Variants in ATP2B2 observed in about 807,000 individuals in gnomAD.
ATP2B2 encodes plasma membrane calcium-transporting ATPase 2.
A neutral mutation model predicts 120.0 loss-of-function variants in ATP2B2; 15 were observed. That is an observed-to-expected ratio of 0.12 (90% CI 0.08 to 0.19). The LOEUF (loss-of-function observed/expected upper bound fraction) is 0.19, where lower values mean the gene tolerates loss of function less well. ATP2B2 is among the 10% of genes least tolerant of loss of function. The pLI is 1.00. For missense variants in ATP2B2, 1,045 were observed against 1,719.8 expected, an observed-to-expected ratio of 0.61 and a Z score of 6.94; for synonymous variants, 694 against 700.3, an observed-to-expected ratio of 0.99 and a Z score of 0.14.
intron 2 of ATP2B2, among the ~76,000 whole-genome samples, chr3:10,546,292 G>A (rs980276049): frequency 6.6e-6 from 1 of 152,160 alleles, no homozygotes; most frequent in Non-Finnish European, 1.5e-5. Context: ...AGACAGGGAG[G>A]TAGCACGCTG....
chr3:10,508,103 T>C (rs1415244637), upstream of ATP2B2, among the ~76,000 whole-genome samples: 2 of 152,202 alleles, frequency 1.3e-5, no homozygotes, highest in Non-Finnish European at 2.9e-5. Flanking sequence ...ACCCTAAGAC[T>C]AGAACTGCCA....
chr3:10,419,577 T>C (rs1198768932), intron 2 of ATP2B2, among the ~76,000 whole-genome samples: 5 of 152,236 alleles, frequency 3.3e-5, no homozygotes, highest in Non-Finnish European at 5.9e-5. Flanking sequence ...TTCCTTCCTA[T>C]GTGACCTTGA....
chr3:10,601,866 A>T (rs773314371), intron 2 of ATP2B2, among the ~76,000 whole-genome samples: 11 of 152,202 alleles, frequency 7.2e-5, no homozygotes, highest in South Asian at 2.1e-4. Context: ...AGTCCCTTCC[A>T]GCCATGGCCC....
At chr3:10,559,616 A>C (rs2125527172) in intron 2 of ATP2B2, among the ~76,000 whole-genome samples, 1 of 152,234 alleles carries the variant, frequency 6.6e-6, no homozygotes, top group Middle Eastern at 3.4e-3. Context: ...AGATGTGCTC[A>C]AGGTCACCCA....
intron 1 of ATP2B2, among the ~76,000 whole-genome samples, chr3:10,652,108 C>A (rs905191867): frequency 3.9e-5 from 6 of 152,106 alleles, no homozygotes; most frequent in African/African-American, 7.2e-5. Flanking sequence ...GATAATGGGG[C>A]TATTTTTTGT....
chr3:10,471,802 T>C (rs555115841), intron 1 of ATP2B2, among the ~76,000 whole-genome samples: 1 of 152,162 alleles, frequency 6.6e-6, no homozygotes. Context: ...TAATAATAAT[T>C]TTCTTTTAAA....
chr3:10,388,317 C>T lies in ATP2B2; in HGVS notation c.867G>A (p.Leu289=), dbSNP rs1178119774. 6.2e-7 allele frequency: 1 copy of T among 1,614,084 alleles called. No homozygotes were observed. The highest frequency in any genetic ancestry group is 1.3e-5 in the African/African-American group (1 of 74,942). ...NSQTGIIFTL[L]GAGGEEEEKK... ...TCTCTTCCTCTTCACCACCAGCCCC[C>T]AGGAGGGTAAAGATGATGCCAGTCT... Residue 289 remains leucine, a synonymous_variant, in exon 6 of 23, where the codon CTG becomes CTA. Coordinates refer to ENST00000360273, the MANE Select transcript of ATP2B2 (RefSeq NM_001001331.4).
At chr3:10,691,466 C>A (rs1161872600) in intron 1 of ATP2B2, among the ~76,000 whole-genome samples, 1 of 152,158 alleles carries the variant, frequency 6.6e-6, no homozygotes. Flanking sequence ...GCTTTTCCAG[C>A]TGTGGTTCCT....
intron 1 of ATP2B2, among the ~76,000 whole-genome samples, chr3:10,644,475 C>T (rs918352450): frequency 9.9e-5 from 15 of 152,150 alleles, no homozygotes; most frequent in Admixed American, 1.3e-4. Flanking sequence ...TTCACAACAG[C>T]GCTGTTCACA....
intron 2 of ATP2B2, among the ~76,000 whole-genome samples, chr3:10,447,251 A>C (rs1345416163): frequency 3.3e-5 from 5 of 152,232 alleles, no homozygotes; most frequent in African/African-American, 1.2e-4. Context: ...GGATGTACAG[A>C]GAGAGCAGAT....
At chr3:10,485,842 G>A (rs2065627886) in intron 1 of ATP2B2, among the ~76,000 whole-genome samples, 1 of 152,166 alleles carries the variant, frequency 6.6e-6, no homozygotes, top group African/African-American at 2.4e-5. Flanking sequence ...TGTGCTCTTG[G>A]GAGTCAGGAA....
intron 3 of ATP2B2, among the ~76,000 whole-genome samples, chr3:10,515,407 C>A (rs1254661107): frequency 6.6e-6 from 1 of 152,140 alleles, no homozygotes; most frequent in South Asian, 2.1e-4. Context: ...CTGAAGATAT[C>A]GTTCGTTCAT....
intron 1 of ATP2B2, among the ~76,000 whole-genome samples, chr3:10,656,614 G>T (rs919583197): frequency 1.3e-5 from 2 of 152,228 alleles, no homozygotes; most frequent in Non-Finnish European, 2.9e-5. Flanking sequence ...CACTGCTAAA[G>T]GCACTTGGGA....
intron 1 of ATP2B2, among the ~76,000 whole-genome samples, chr3:10,622,114 G>A (rs1229113360): frequency 6.6e-6 from 1 of 152,072 alleles, no homozygotes; most frequent in Non-Finnish European, 1.5e-5. Context: ...TTCCAGCCGT[G>A]CTCCAGGGGC....
chr3:10,423,244 C>T (rs993557862), intron 2 of ATP2B2, among the ~76,000 whole-genome samples: 5 of 152,146 alleles, frequency 3.3e-5, no homozygotes, highest in African/African-American at 4.8e-5. Flanking sequence ...TTAATCTGGC[C>T]ACCCATCCCT....
intron 14 of ATP2B2, among the ~76,000 whole-genome samples, chr3:10,354,831 T>G (rs1574991915): frequency 6.6e-6 from 1 of 152,200 alleles, no homozygotes; most frequent in East Asian, 1.9e-4. Flanking sequence ...GGGCTGAGGT[T>G]TTCCCTCTGG....
At chr3:10,691,820 A>G (rs2071668575) in intron 1 of ATP2B2, among the ~76,000 whole-genome samples, 1 of 152,184 alleles carries the variant, frequency 6.6e-6, no homozygotes, top group South Asian at 2.1e-4. Flanking sequence ...CATGAACACC[A>G]TATTTCCATA....
chr3:10,638,103 T>A (rs918502363), intron 1 of ATP2B2, among the ~76,000 whole-genome samples: 5 of 152,140 alleles, frequency 3.3e-5, no homozygotes, highest in Admixed American at 1.3e-4. Context: ...CTGAAAGAAT[T>A]CATCACCAAC....
At position 10,629,119 on chromosome 3, in the gene ATP2B2, G is replaced by A. The variant is rs189185134; in HGVS notation, c.-459-9158C>T. The stretch of plus-strand genomic sequence containing the variant: ...ACAGCACGGCAGCACCACGCTTCGG[G>A]GCCATTTCAAACAGCAAAACCACCA... On this transcript the variant is annotated intron_variant, in intron 1 of 21. Transcript: ENST00000646379. Among the ~76,000 whole-genome samples, 5 of 152,184 alleles carry A rather than the reference G, an allele frequency of 3.3e-5. No individual in the cohort carries two copies. The East Asian group carries it at 9.7e-4, about 29-fold the overall frequency.
Sources: gnomAD v4.1 joint callset for allele counts (sites outside exome capture counted in the v4.1 genomes callset) on GRCh38, gnomAD v4.1.1 for gene constraint, MANE v1.5 for transcripts, NCBI Gene and HGNC (gene_info 2026-07-23, HGNC 2026-07-21) for gene names.